GSE1: variants seen among roughly 807,000 people sequenced by gnomAD.
GSE1 encodes the protein Gse1 coiled-coil protein, also known as genetic suppressor element 1.
In GSE1, 32 loss-of-function variants were observed where a neutral mutation model predicts 112.6. The ratio of observed to expected loss-of-function variants is 0.28; its 90% CI spans 0.21 to 0.38. The LOEUF is 0.38. GSE1 is among the 10% of genes least tolerant of loss of function. The pLI, the probability that GSE1 is intolerant of heterozygous loss-of-function variation, is 1.00. For synonymous variants in GSE1, 1,115 were observed against 735.6 expected (o/e 1.52, Z -8.35); for missense variants, 2,348 against 1,699.2 (o/e 1.38, Z -6.71).
intron 1 of GSE1, among the ~76,000 whole-genome samples, chr16:85,562,612 C>T (rs1337555159): frequency 8.5e-5 from 13 of 152,244 alleles, no homozygotes; most frequent in Non-Finnish European, 1.8e-4. Flanking sequence ...CCAAGCCACA[C>T]AGCTCCTGGA....
chr16:85,651,392 G>C (rs999248422), intron 3 of GSE1, among the ~76,000 whole-genome samples: 1 of 152,032 alleles, frequency 6.6e-6, no homozygotes, highest in African/African-American at 2.4e-5. Flanking sequence ...CCCCTGCCCC[G>C]CCTGCTGGCT....
chr16:85,637,976 A>G (rs570531975), intron 2 of GSE1, among the ~76,000 whole-genome samples: 1 of 152,202 alleles, frequency 6.6e-6, no homozygotes, highest in African/African-American at 2.4e-5. Context: ...GTGGCAGGAG[A>G]GGTGGCAGAG....
At chr16:85,572,951 C>T (rs1346278624) in intron 1 of GSE1, among the ~76,000 whole-genome samples, 2 of 152,194 alleles carry the variant, frequency 1.3e-5, no homozygotes, top group Non-Finnish European at 2.9e-5. Flanking sequence ...CTTGCTGCAA[C>T]CTCCGCCTCC....
intron 1 of GSE1, among the ~76,000 whole-genome samples, chr16:85,323,250 T>C (rs953973153): frequency 6.6e-6 from 1 of 152,042 alleles, no homozygotes; most frequent in Non-Finnish European, 1.5e-5. Context: ...TGTCTCCGGG[T>C]GGGAGACAGC....
chr16:85,415,426 C>G (rs1035436058), intron 2 of GSE1, among the ~76,000 whole-genome samples: 8 of 152,202 alleles, frequency 5.3e-5, no homozygotes, highest in Admixed American at 4.6e-4. Flanking sequence ...CTTCCAGGTG[C>G]TGAGGGCGTC....
Position 85,622,886 on chromosome 16 carries a change from G to A in GSE1, c.7+9488G>A, listed in dbSNP as rs115305409. On this transcript the variant is annotated intron_variant, in intron 1 of 15. Coordinates refer to ENST00000253458, the MANE Select transcript of GSE1 (RefSeq NM_014615.5). Reference sequence around the variant, plus strand: ...GCTGAGGGTTGCAGCTGCAGCTGCCGCAGGGCTGTTAGTTGCTCAGACCTG... The same window carrying A: ...GCTGAGGGTTGCAGCTGCAGCTGCCACAGGGCTGTTAGTTGCTCAGACCTG... Among the ~76,000 whole-genome samples, 800 of 152,290 alleles carry A rather than the reference G, an allele frequency of 5.3e-3. 7 individuals are homozygous for A. Among genetic ancestry groups the A allele is most frequent in the African/African-American group, 0.018 (762 of 41,554 alleles).
intron 2 of GSE1, among the ~76,000 whole-genome samples, chr16:85,468,269 C>A (rs138338818): frequency 2.6e-5 from 4 of 151,304 alleles, no homozygotes; most frequent in Admixed American, 2.6e-4. Flanking sequence ...TCCCTAACTC[C>A]TTGAAGGGCT....
chr16:85,631,695 AC>A (rs1192484131), intron 1 of GSE1, among the ~76,000 whole-genome samples: 1 of 151,998 alleles, frequency 6.6e-6, no homozygotes, highest in East Asian at 1.9e-4. Flanking sequence ...CATGTCAGTT[AC>A]CCCATTATGC....
chr16:85,488,348 TACAA>T (rs1316562040), intron 2 of GSE1, among the ~76,000 whole-genome samples: 12 of 152,262 alleles, frequency 7.9e-5, no homozygotes, highest in African/African-American at 2.4e-4. Flanking sequence ...ATGCTCAGAG[TACAA>T]ACAGAGGATG....
intron 2 of GSE1, among the ~76,000 whole-genome samples, chr16:85,403,770 C>T (rs555345013): frequency 3.8e-4 from 58 of 152,264 alleles, no homozygotes; most frequent in Non-Finnish European, 7.5e-4. Flanking sequence ...CCACTGCACT[C>T]CAGTCCTGGT....
intron 13 of GSE1, among the ~76,000 whole-genome samples, chr16:85,667,177 GC>G (rs2052934585): frequency 6.6e-6 from 1 of 151,502 alleles, no homozygotes; most frequent in South Asian, 2.1e-4. Context: ...CTCCCTCCCT[GC>G]CCTTTGGCAG....
intron 1 of GSE1, among the ~76,000 whole-genome samples, chr16:85,234,679 G>T (rs545568349): frequency 7.2e-5 from 11 of 152,158 alleles, no homozygotes; most frequent in Non-Finnish European, 1.5e-4. Context: ...TCTCAAAGCC[G>T]CTGGCCTCAC....
At chr16:85,448,369 T>A (rs1480398888) in intron 2 of GSE1, among the ~76,000 whole-genome samples, 1 of 152,012 alleles carries the variant, frequency 6.6e-6, no homozygotes, top group African/African-American at 2.4e-5. Flanking sequence ...GCTCTTTGAG[T>A]GATGACCAGA....
intron 1 of GSE1, among the ~76,000 whole-genome samples, chr16:85,239,904 G>A (rs1042653104): frequency 6.6e-6 from 1 of 152,242 alleles, no homozygotes; most frequent in African/African-American, 2.4e-5. Context: ...GTCTGGAAAT[G>A]TTTTTGGTCT....
chr16:85,205,996 C>T (rs2075108226), intron 1 of GSE1, among the ~76,000 whole-genome samples: 1 of 152,158 alleles, frequency 6.6e-6, no homozygotes, highest in Non-Finnish European at 1.5e-5. Flanking sequence ...ATGTCGGTGG[C>T]CAAATCACAC....
At chr16:85,457,116 C>T (rs1051889471) in intron 2 of GSE1, among the ~76,000 whole-genome samples, 2 of 152,190 alleles carry the variant, frequency 1.3e-5, no homozygotes, top group African/African-American at 2.4e-5. Flanking sequence ...TCCTGCCTCC[C>T]GCTTTCCTCT....
At chr16:85,399,545 C>T (rs1262851164) in intron 2 of GSE1, among the ~76,000 whole-genome samples, 4 of 152,234 alleles carry the variant, frequency 2.6e-5, no homozygotes, top group Admixed American at 2.6e-4. Context: ...TTCAGAAGCC[C>T]CTGCAGGCCC....
intron 1 of GSE1, among the ~76,000 whole-genome samples, chr16:85,184,944 G>C (rs995416409): frequency 6.6e-6 from 1 of 152,228 alleles, no homozygotes; most frequent in African/African-American, 2.4e-5. Context: ...AGAGATTGGT[G>C]CTTGGTAGCA....
rs200098158 is a variant in GSE1 at position 85,655,702 on chromosome 16, C to T, written c.798-24C>T. On this transcript the variant is annotated intron_variant, in intron 5 of 15. Transcript: ENST00000253458. Reference sequence around the variant, plus strand: ...TCTTCCCCTTGGTTCATTTGCTGCTCACAGCCCCGTCTTCTCTGCACAGGA... The same window carrying T: ...TCTTCCCCTTGGTTCATTTGCTGCTTACAGCCCCGTCTTCTCTGCACAGGA... 2.9e-4 allele frequency: 450 copies of T among 1,541,642 alleles called. 2 individuals carry two copies. Among genetic ancestry groups the T allele is most frequent in the Middle Eastern group, 8.6e-4 (5 of 5,806 alleles).
Sources: allele counts gnomAD v4.1 joint callset (sites outside exome capture counted in the v4.1 genomes callset), GRCh38; gene constraint gnomAD v4.1.1; transcripts MANE v1.5; gene names NCBI Gene and HGNC (gene_info 2026-07-23, HGNC 2026-07-21).